MAF: variants seen among roughly 807,000 people sequenced by gnomAD.
MAF encodes transcription factor Maf.
In MAF, 10 loss-of-function variants were observed where a neutral mutation model predicts 22.0. The ratio of observed to expected loss-of-function variants is 0.45; its 90% CI spans 0.28 to 0.77. The LOEUF (loss-of-function observed/expected upper bound fraction) is 0.77, where lower values mean the gene tolerates loss of function less well. Among genes scored for constraint, MAF ranks in the 30% least tolerant of loss-of-function variants. MAF has a pLI of 0.12. For missense variants in MAF, 544 were observed against 548.4 expected, an observed-to-expected ratio of 0.99 and a Z score of 0.08; for synonymous variants, 337 against 255.8, an observed-to-expected ratio of 1.32 and a Z score of -3.03.
the MAF span, among the ~76,000 whole-genome samples, chr16:79,520,725 G>A: frequency 6.6e-6 from 1 of 152,108 alleles, no homozygotes; most frequent in Non-Finnish European, 1.5e-5. Flanking sequence ...GTGGTCTTGG[G>A]CCACATTAGT....
chr16:79,589,563 C>CGAT (rs1193285147), downstream of MAF, among the ~76,000 whole-genome samples: 1 of 152,124 alleles, frequency 6.6e-6, no homozygotes, highest in Non-Finnish European at 1.5e-5. Context: ...GATCTGGAGC[C>CGAT]GATGATCTTA....
the MAF span, among the ~76,000 whole-genome samples, chr16:79,310,209 T>G: frequency 6.6e-6 from 1 of 152,182 alleles, no homozygotes; most frequent in Non-Finnish European, 1.5e-5. Context: ...CCTGACTTGG[T>G]GCACGCACGG....
At chr16:79,472,100 G>C in the MAF span, among the ~76,000 whole-genome samples, 1 of 152,110 alleles carries the variant, frequency 6.6e-6, no homozygotes, top group African/African-American at 2.4e-5. Flanking sequence ...TTTACAAGGA[G>C]CCACCATATG....
chr16:79,345,620 C>T, the MAF span, among the ~76,000 whole-genome samples: 1 of 146,902 alleles, frequency 6.8e-6, no homozygotes. Flanking sequence ...CCCAGCTACT[C>T]AGGAGGCTGA....
chr16:79,235,169 A>C, the MAF span, among the ~76,000 whole-genome samples: 1 of 152,108 alleles, frequency 6.6e-6, no homozygotes, highest in Non-Finnish European at 1.5e-5. Flanking sequence ...TGGCATATCC[A>C]GAATTTACTT....
the MAF span, among the ~76,000 whole-genome samples, chr16:79,541,473 A>G: frequency 1.3e-5 from 2 of 150,570 alleles, no homozygotes; most frequent in Admixed American, 1.3e-4. Flanking sequence ...TTCCCAAACC[A>G]CCAGAAAAAA....
chr16:79,351,153 T>G, the MAF span, among the ~76,000 whole-genome samples: 1 of 152,220 alleles, frequency 6.6e-6, no homozygotes, highest in African/African-American at 2.4e-5. Flanking sequence ...CTACATTCTC[T>G]GTGGGGTTCA....
chr16:79,294,338 G>T, the MAF span, among the ~76,000 whole-genome samples: 1 of 152,142 alleles, frequency 6.6e-6, no homozygotes, highest in African/African-American at 2.4e-5. Context: ...GAGTTAAACT[G>T]TCTATAAAAG....
chr16:79,292,029 G>A, the MAF span, among the ~76,000 whole-genome samples: 1,516 of 151,936 alleles, frequency 1.0e-2, 26 homozygotes, highest in African/African-American at 0.035. Context: ...GAATAGGAAA[G>A]ATGACATCTT....
At chr16:79,221,709 T>C in the MAF span, among the ~76,000 whole-genome samples, 3 of 151,856 alleles carry the variant, frequency 2.0e-5, no homozygotes, top group Non-Finnish European at 4.4e-5. Flanking sequence ...GTGTATGTGA[T>C]TGTGTATGTG....
the MAF span, among the ~76,000 whole-genome samples, chr16:79,374,478 A>G: frequency 6.6e-6 from 1 of 152,026 alleles, no homozygotes; most frequent in Non-Finnish European, 1.5e-5. Context: ...CTACAGCCTC[A>G]TTTCTTCATC....
the MAF span, among the ~76,000 whole-genome samples, chr16:79,445,778 G>A: frequency 1.3e-5 from 2 of 152,176 alleles, no homozygotes; most frequent in Non-Finnish European, 2.9e-5. Context: ...TCCAATTCCC[G>A]GAGGCCCTTT....
the MAF span, among the ~76,000 whole-genome samples, chr16:79,398,388 G>A: frequency 3.3e-5 from 5 of 152,176 alleles, no homozygotes; most frequent in African/African-American, 1.2e-4. Flanking sequence ...CATTAACAGA[G>A]CATATCCCCA....
chr16:79,499,985 G>A, the MAF span, among the ~76,000 whole-genome samples: 2 of 152,266 alleles, frequency 1.3e-5, no homozygotes, highest in East Asian at 3.9e-4. Flanking sequence ...GGGAGTTTAA[G>A]GGCAGACACA....
At chr16:79,493,130 C>G in the MAF span, among the ~76,000 whole-genome samples, 2 of 26,724 alleles carry the variant, frequency 7.5e-5, no homozygotes, top group Non-Finnish European at 1.4e-4. Context: ...GCTAATCTTT[C>G]TGTTTTTTTT....
chr16:79,243,306 C>A, the MAF span, among the ~76,000 whole-genome samples: 8 of 150,570 alleles, frequency 5.3e-5, no homozygotes, highest in South Asian at 1.7e-3. Context: ...TTTTTTAAAA[C>A]AAATTAGACC....
At chr16:79,577,102 G>A in the MAF span, among the ~76,000 whole-genome samples, 1 of 152,098 alleles carries the variant, frequency 6.6e-6, no homozygotes, top group African/African-American at 2.4e-5. Context: ...TAGAAAAAAA[G>A]CCACTCATTA....
Position 79,599,474 on chromosome 16 carries a change from C to A in MAF, c.429G>T (p.Gly143=). 1 of 1,392,030 alleles carries A rather than the reference C, an allele frequency of 7.2e-7. No homozygotes were observed. The highest frequency in any genetic ancestry group is 9.2e-7 in the Non-Finnish European group (1 of 1,082,972). 86.2% of individuals were successfully genotyped at this position (1,392,030 alleles called of 1,614,324 possible). A position where few individuals can be genotyped will look rare whatever the true frequency, so the allele number is the denominator to read the frequency against. The change falls in exon 1 of 2, where the codon GGG becomes GGT. Residue 143 remains glycine (G), a synonymous_variant. Coordinates refer to ENST00000326043, the MANE Select transcript of MAF (RefSeq NM_005360.5). ...RGAQQLAAAA[G]AGAGASLGGS... is the part of the protein sequence containing the mutation. ...CGCCCAAGGAGGCGCCGGCACCGGC[C>A]CCGGCCGCCGCGGCCAGCTGCTGCG... is the stretch of plus-strand genomic sequence containing the variant.
the MAF span, among the ~76,000 whole-genome samples, chr16:79,428,096 T>TAACA: frequency 9.6e-6 from 1 of 104,114 alleles, no homozygotes; most frequent in Admixed American, 1.1e-4. Flanking sequence ...CGACTCAAAT[T>TAACA]AAAAAAAAAA....
Sources: allele counts gnomAD v4.1 joint callset (sites outside exome capture counted in the v4.1 genomes callset), GRCh38; gene constraint gnomAD v4.1.1; transcripts MANE v1.5; gene names NCBI Gene and HGNC (gene_info 2026-07-23, HGNC 2026-07-21).